The following CCSER1 variants were observed in gnomAD, a reference collection of about 807,000 sequenced individuals.
CCSER1 encodes serine-rich coiled-coil domain-containing protein 1.
A neutral mutation model predicts 82.0 loss-of-function variants in CCSER1; 41 were observed. The ratio of observed to expected loss-of-function variants is 0.50; its 90% CI spans 0.39 to 0.65. CCSER1 has a LOEUF of 0.65. Ranked by LOEUF, CCSER1 falls within the 30% of genes least tolerant of loss-of-function variation. The pLI, the probability that CCSER1 is intolerant of heterozygous loss-of-function variation, is 0.00. For synonymous variants in CCSER1, 414 were observed against 383.9 expected (o/e 1.08, Z -0.92); for missense variants, 1,119 against 1,064.2 (o/e 1.05, Z -0.72).
chr4:91,507,604 G>T (rs1426285701), intron 10 of CCSER1, among the ~76,000 whole-genome samples: 3 of 149,462 alleles, frequency 2.0e-5, no homozygotes, highest in Non-Finnish European at 4.4e-5. Flanking sequence ...TTTAAATTAG[G>T]TTGTCTTTTT....
intron 10 of CCSER1, among the ~76,000 whole-genome samples, chr4:91,596,600 G>A (rs1578887718): frequency 6.6e-6 from 1 of 152,054 alleles, no homozygotes; most frequent in African/African-American, 2.4e-5. Context: ...TATTGGGAAA[G>A]AGCCAAGAAG....
chr4:90,309,465 T>C lies in CCSER1; in HGVS notation c.1181T>C (p.Leu394Pro). Residue 394 changes from leucine (L) to proline (P), a missense_variant, in exon 2 of 11, where the codon CTT becomes CCT. Coordinates refer to ENST00000509176, the MANE Select transcript of CCSER1 (RefSeq NM_001145065.2). The part of the protein sequence containing the change: ...TMLGTNSPRK[L>P]GFYEQHKAIA... ...CTGGGGACAAACTCCCCAAGGAAAC[T>C]TGGATTTTATGAGCAACATAAAGCA... The C allele has an allele frequency of 1.2e-6, 2 of 1,613,794 alleles. No homozygotes were observed. The highest frequency in any genetic ancestry group is 1.3e-5 in the African/African-American group (1 of 75,016).
At chr4:90,980,323 C>T (rs1460537811) in intron 9 of CCSER1, among the ~76,000 whole-genome samples, 1 of 151,656 alleles carries the variant, frequency 6.6e-6, no homozygotes, top group Non-Finnish European at 1.5e-5. Flanking sequence ...GCCCTGTGAA[C>T]AGCACAGAGC....
chr4:91,439,910 A>G (rs1387532197), intron 10 of CCSER1, among the ~76,000 whole-genome samples: 3 of 152,166 alleles, frequency 2.0e-5, no homozygotes, highest in East Asian at 1.9e-4. Context: ...AACAAGAAGA[A>G]CTAACTATCC....
intron 10 of CCSER1, among the ~76,000 whole-genome samples, chr4:91,513,499 C>T (rs1052616177): frequency 6.6e-6 from 1 of 152,128 alleles, no homozygotes; most frequent in Admixed American, 6.6e-5. Context: ...GGAGAAGCCC[C>T]TCCTCATCAG....
chr4:91,453,892 T>G (rs925474471), intron 10 of CCSER1, among the ~76,000 whole-genome samples: 3 of 152,072 alleles, frequency 2.0e-5, no homozygotes, highest in Non-Finnish European at 4.4e-5. Flanking sequence ...GATGTGTGAA[T>G]GGAAGAAAAT....
intron 9 of CCSER1, among the ~76,000 whole-genome samples, chr4:91,049,169 A>C (rs1472994506): frequency 1.3e-5 from 2 of 152,218 alleles, no homozygotes; most frequent in African/African-American, 2.4e-5. Context: ...CAACAAAATA[A>C]GCAATGAAGA....
chr4:91,406,517 G>A (rs911679569), intron 10 of CCSER1, among the ~76,000 whole-genome samples: 1 of 152,010 alleles, frequency 6.6e-6, no homozygotes, highest in South Asian at 2.1e-4. Flanking sequence ...TTACCACTGG[G>A]ACTCATCTGT....
intron 9 of CCSER1, among the ~76,000 whole-genome samples, chr4:91,026,870 A>G (rs1740531847): frequency 6.6e-6 from 1 of 152,090 alleles, no homozygotes; most frequent in African/African-American, 2.4e-5. Flanking sequence ...GGCAGTGAAG[A>G]TAAAAACTGG....
At chr4:91,560,437 A>G (rs912270036) in intron 10 of CCSER1, among the ~76,000 whole-genome samples, 1 of 151,556 alleles carries the variant, frequency 6.6e-6, no homozygotes, top group Non-Finnish European at 1.5e-5. Context: ...CCATTGATAT[A>G]TGAACATACA....
rs183105594 is a variant in CCSER1, at chr4:91,075,906, G to T, written c.2173-10044G>T. ...GTCAGTAAAAATCAAGATTGTGCAT[G>T]TTTCCTAGCATAGGTTGTAAGTCAC... On this transcript the variant is annotated intron_variant, in intron 9 of 10. Coordinates refer to ENST00000509176, the MANE Select transcript of CCSER1 (RefSeq NM_001145065.2). Among the ~76,000 whole-genome samples, 62 of 152,154 alleles carry T rather than the reference G, an allele frequency of 4.1e-4. No homozygotes were observed. In the East Asian group the frequency reaches 0.012, roughly 29 times the overall value.
At chr4:90,460,011 A>G (rs1762672563) in intron 4 of CCSER1, among the ~76,000 whole-genome samples, 1 of 152,204 alleles carries the variant, frequency 6.6e-6, no homozygotes, top group Non-Finnish European at 1.5e-5. Flanking sequence ...TCACAACGAA[A>G]TATTTGTGAA....
intron 10 of CCSER1, among the ~76,000 whole-genome samples, chr4:91,171,840 T>A (rs1376413058): frequency 1.3e-5 from 2 of 151,242 alleles, no homozygotes; most frequent in Non-Finnish European, 2.9e-5. Flanking sequence ...CCATGAAAAA[T>A]AATAATTTTG....
intron 10 of CCSER1, among the ~76,000 whole-genome samples, chr4:91,570,200 G>A (rs1184471794): frequency 6.6e-6 from 1 of 152,276 alleles, no homozygotes; most frequent in East Asian, 1.9e-4. Context: ...GCTTTTCAGG[G>A]TCTAGCCCCA....
chr4:91,148,298 T>G (rs1235226871), intron 10 of CCSER1, among the ~76,000 whole-genome samples: 1 of 152,138 alleles, frequency 6.6e-6, no homozygotes, highest in Non-Finnish European at 1.5e-5. Context: ...ATTTATTCAT[T>G]GAACAAAAGT....
At chr4:90,716,047 G>C (rs1297120458) in intron 6 of CCSER1, among the ~76,000 whole-genome samples, 1 of 150,732 alleles carries the variant, frequency 6.6e-6, no homozygotes, top group African/African-American at 2.4e-5. Flanking sequence ...AAAACAGCAA[G>C]TTTAATAATA....
At chr4:90,785,290 C>T (rs998111283) in intron 7 of CCSER1, among the ~76,000 whole-genome samples, 4 of 152,028 alleles carry the variant, frequency 2.6e-5, no homozygotes, top group African/African-American at 4.8e-5. Context: ...CACCCTCCTT[C>T]GCCTCCCAAA....
chr4:91,115,860 T>TATA (rs1554069623), intron 10 of CCSER1, among the ~76,000 whole-genome samples: 17 of 123,886 alleles, frequency 1.4e-4, no homozygotes, highest in Admixed American at 5.6e-4. Flanking sequence ...TATATATATA[T>TATA]TTTTTTTTAT....
chr4:90,160,523 T>C (rs973065458), intron 1 of CCSER1, among the ~76,000 whole-genome samples: 1 of 152,186 alleles, frequency 6.6e-6, no homozygotes, highest in African/African-American at 2.4e-5. Flanking sequence ...AATTCTCTGG[T>C]GTTACAAGAA....
Sources: allele counts gnomAD v4.1 joint callset (sites outside exome capture counted in the v4.1 genomes callset), GRCh38; gene constraint gnomAD v4.1.1; transcripts MANE v1.5; gene names NCBI Gene and HGNC (gene_info 2026-07-23, HGNC 2026-07-21).